The following KIRREL3 variants were observed in gnomAD, a reference collection of about 807,000 sequenced individuals.
KIRREL3 encodes the protein kin of IRRE-like protein 3.
KIRREL3 carries 36 observed loss-of-function variants against 89.7 expected under a neutral mutation model. The observed-to-expected ratio is 0.40, with a 90% CI of 0.31 to 0.53. KIRREL3 has a LOEUF of 0.53. Among genes scored for constraint, KIRREL3 ranks in the 20% least tolerant of loss-of-function variants. KIRREL3 has a pLI of 0.49. For missense variants in KIRREL3, 864 were observed against 1,056.6 expected (o/e 0.82, Z 2.53); for synonymous variants, 445 against 441.4 (o/e 1.01, Z -0.10).
chr11:126,998,256 A>G (rs946141225), intron 1 of KIRREL3, among the ~76,000 whole-genome samples: 1 of 152,250 alleles, frequency 6.6e-6, no homozygotes, highest in Admixed American at 6.5e-5. Flanking sequence ...ATCAAGGCAA[A>G]AGATAACCAT....
Position 126,714,285 on chromosome 11 carries a change from T to A in KIRREL3, c.56-151373A>T, listed in dbSNP as rs564130943. On this transcript the variant is annotated intron_variant, in intron 1 of 16. Transcript: ENST00000525144. Reference sequence around the variant, plus strand: ...TGGTTGCAAAGCTTAACGTATTTACTCTCTGGCTCTTTGTAGAAGCATGTA... The same window carrying A: ...TGGTTGCAAAGCTTAACGTATTTACACTCTGGCTCTTTGTAGAAGCATGTA... Among the ~76,000 whole-genome samples the A allele has an allele frequency of 1.1e-3, 161 of 152,340 alleles. 2 individuals are homozygous for A. The South Asian group carries it at 0.024, about 23-fold the overall frequency.
chr11:126,430,985 C>T lies in KIRREL3; in HGVS notation c.1696+434G>A. The T allele has an allele frequency of 9.1e-7, 1 of 1,104,602 alleles. No homozygotes were observed. The highest frequency in any genetic ancestry group is 3.8e-5 in the South Asian group (1 of 26,052). The allele number at this position is 1,104,602 out of a possible 1,614,324, so 68.4% of individuals were successfully genotyped here. ...TCCTTTATTGCTTCCCCACCCACTCCCCCACAGCTGTGTGAGTGACCTGCT... is the reference window on the plus strand; with the variant it reads ...TCCTTTATTGCTTCCCCACCCACTCTCCCACAGCTGTGTGAGTGACCTGCT... On this transcript the variant is annotated intron_variant, in intron 14 of 16. Transcript: ENST00000525144. This position sits in a 1 kb window ranked among gnomAD's most constrained non-coding sequence, Gnocchi z 6.6.
At position 126,923,187 on chromosome 11, in the gene KIRREL3, CTCTTCTTCT is replaced by C. The variant is rs1209221075; in HGVS notation, c.55+77259_55+77267del. On this transcript the variant is annotated intron_variant, in intron 1 of 16. Transcript: ENST00000525144. ...TTCTTCTTCTTCTTCTCTTCTTCTT[CTCTTCTTCT>C]TCTTCTTCTTCTTCTTCTTCTTCTT... Among the ~76,000 whole-genome samples the C allele has an allele frequency of 2.4e-3, 56 of 23,828 alleles. 11 individuals carry two copies. Among genetic ancestry groups the C allele is most frequent in the East Asian group, 6.0e-3 (7 of 1,160 alleles). The allele number at this position is 23,828 out of a possible 152,430, so 15.6% of individuals were successfully genotyped here. A position where few individuals can be genotyped will look rare whatever the true frequency, so the allele number is the denominator to read the frequency against.
intron 1 of KIRREL3, among the ~76,000 whole-genome samples, chr11:126,893,710 G>A (rs957180610): frequency 1.7e-4 from 26 of 152,134 alleles, no homozygotes; most frequent in African/African-American, 2.9e-4. Context: ...CCTCTCCCAC[G>A]TCTGAATGCA....
At chr11:126,637,069 G>A (rs1465848642) in intron 1 of KIRREL3, among the ~76,000 whole-genome samples, 2 of 152,112 alleles carry the variant, frequency 1.3e-5, no homozygotes, top group African/African-American at 4.8e-5. Context: ...TCAGGGTGGT[G>A]AGTTGTCTCC....
chr11:126,980,215 G>T (rs939279440), intron 1 of KIRREL3, among the ~76,000 whole-genome samples: 3 of 152,192 alleles, frequency 2.0e-5, no homozygotes, highest in Non-Finnish European at 4.4e-5. Context: ...GGATACAAAG[G>T]CATGGCATAT....
At chr11:126,457,356 T>C (rs1016488196) in intron 6 of KIRREL3, among the ~76,000 whole-genome samples, 5 of 94,380 alleles carry the variant, frequency 5.3e-5, no homozygotes, top group Non-Finnish European at 1.1e-4. Context: ...TGTATGTATG[T>C]CTCTGTGTGT....
rs1367501543 is a variant in KIRREL3 at position 126,996,939 on chromosome 11, G to A, written c.55+3516C>T. On this transcript the variant is annotated intron_variant, in intron 1 of 16. Transcript: ENST00000525144. The surrounding 1 kb of genome is among the most constrained non-coding windows in gnomAD (Gnocchi z 4.7). ...TGCCAGAGCAAAATGCCAGAGAGTA[G>A]GGAAGAGACCACCTTTCTTAAGAGC... Among the ~76,000 whole-genome samples, 3 of 152,166 alleles carry A rather than the reference G, an allele frequency of 2.0e-5. No individual in the cohort carries two copies. The highest frequency in any genetic ancestry group is 2.9e-5 in the Non-Finnish European group (2 of 68,036).
Position 126,521,676 on chromosome 11 carries a change from A to ATGTGTGTG in KIRREL3, c.284-220_284-213dup, listed in dbSNP as rs55838363. ...GTTGGTTCTCTCTCTCTCTCTCTGT[A>ATGTGTGTG]TGTGTGTGTGTGTGTGTGTGTGTGT... is the stretch of plus-strand genomic sequence containing the variant. On this transcript the variant is annotated intron_variant, in intron 3 of 16. Coordinates refer to ENST00000525144, the MANE Select transcript of KIRREL3 (RefSeq NM_032531.4). The surrounding 1 kb of genome is among the most constrained non-coding windows in gnomAD (Gnocchi z 4.1). 7.0e-6 allele frequency among the ~76,000 whole-genome samples: 1 copy of ATGTGTGTG among 143,510 alleles called. No individual in the cohort carries two copies. The highest frequency in any genetic ancestry group is 6.9e-5 in the Admixed American group (1 of 14,482). 94.1% of individuals were successfully genotyped at this position (143,510 alleles called of 152,430 possible).
In KIRREL3 at chr11:126,645,398, G is replaced by A. The variant is rs932979494; in HGVS notation, c.56-82486C>T. Among the ~76,000 whole-genome samples, 2 of 152,120 alleles carry A rather than the reference G, an allele frequency of 1.3e-5. No individual in the cohort carries two copies. The highest frequency in any genetic ancestry group is 6.5e-5 in the Admixed American group (1 of 15,278). On this transcript the variant is annotated intron_variant, in intron 1 of 16. Transcript: ENST00000525144. This position sits in a 1 kb window ranked among gnomAD's most constrained non-coding sequence, Gnocchi z 4.9. ...GTATGCCAGCCTTTCTCCTTCCACCGTGAGCCATTTGAGGGCAGAGACCAG... is the reference window on the plus strand; with the variant it reads ...GTATGCCAGCCTTTCTCCTTCCACCATGAGCCATTTGAGGGCAGAGACCAG...
At position 126,734,805 on chromosome 11, in the gene KIRREL3, A is replaced by C. The variant is rs1948747143; in HGVS notation, c.56-171893T>G. 6.6e-6 allele frequency among the ~76,000 whole-genome samples: 1 copy of C among 152,184 alleles called. No homozygotes were observed. Among genetic ancestry groups the C allele is most frequent in the Admixed American group, 6.5e-5 (1 of 15,272 alleles). ...TGGAGACTGATGAGCAGGTCAGAGA[A>C]GTTTTCGTTGGAGGGGTACTTTCTG... On this transcript the variant is annotated intron_variant, in intron 1 of 16. Coordinates refer to ENST00000525144, the MANE Select transcript of KIRREL3 (RefSeq NM_032531.4). The surrounding 1 kb of genome is among the most constrained non-coding windows in gnomAD (Gnocchi z 5.9).
chr11:126,497,792 G>A (rs2134356720), intron 4 of KIRREL3, among the ~76,000 whole-genome samples: 1 of 152,348 alleles, frequency 6.6e-6, no homozygotes, highest in South Asian at 2.1e-4. Flanking sequence ...CTCTTGGGGA[G>A]GGAGGGGCCC....
In KIRREL3 at chr11:126,443,875, A is replaced by G. The variant is rs575289957; in HGVS notation, c.1252+1104T>C. Among the ~76,000 whole-genome samples, 62 of 152,238 alleles carry G rather than the reference A, an allele frequency of 4.1e-4. No individual in the cohort carries two copies. The highest frequency in any genetic ancestry group is 1.4e-3 in the African/African-American group (57 of 41,554). ...TTGGGGTTTTGATCTGAGTCAGGCT[A>G]TGGTGGGAACAGGGGCCTCCCAAAG... On this transcript the variant is annotated intron_variant, in intron 10 of 16. Coordinates refer to ENST00000525144, the MANE Select transcript of KIRREL3 (RefSeq NM_032531.4). The surrounding 1 kb of genome is among the most constrained non-coding windows in gnomAD (Gnocchi z 7.3).
chr11:126,448,963 C>T (rs1401274848), intron 8 of KIRREL3, 46 bp downstream of exon 8: 2 of 1,553,950 alleles, frequency 1.3e-6, no homozygotes, highest in Non-Finnish European at 1.7e-6. Context: ...AAGCAGAAAC[C>T]AGTGGATGCC....
At chr11:126,483,996 A>G (rs1957287011) in intron 4 of KIRREL3, among the ~76,000 whole-genome samples, 1 of 152,232 alleles carries the variant, frequency 6.6e-6, no homozygotes, top group African/African-American at 2.4e-5. Context: ...CTCAGCAGGT[A>G]CATGTGGTGC....
At chr11:126,846,007 T>C (rs1944128879) in intron 1 of KIRREL3, among the ~76,000 whole-genome samples, 1 of 152,164 alleles carries the variant, frequency 6.6e-6, no homozygotes, top group Non-Finnish European at 1.5e-5. Context: ...GAATTAAAAG[T>C]GGATCAATTC....
rs964635935 is a variant in KIRREL3, at chr11:126,519,004, T to C, written c.433+2311A>G. On this transcript the variant is annotated intron_variant, in intron 4 of 16. Coordinates refer to ENST00000525144, the MANE Select transcript of KIRREL3 (RefSeq NM_032531.4). The surrounding 1 kb of genome is among the most constrained non-coding windows in gnomAD (Gnocchi z 4.3). ...CCTGAAAGGCTGATGGACAAGATGC[T>C]GGCTGAGGCTCCCTTTCTGGCTCTC... Among the ~76,000 whole-genome samples the C allele has an allele frequency of 6.6e-6, 1 of 152,246 alleles. No individual in the cohort carries two copies. Among genetic ancestry groups the C allele is most frequent in the African/African-American group, 2.4e-5 (1 of 41,474 alleles).
In KIRREL3 at chr11:126,569,864, C is replaced by T. The variant is rs1401407234; in HGVS notation, c.56-6952G>A. Among the ~76,000 whole-genome samples the T allele has an allele frequency of 2.6e-5, 4 of 152,078 alleles. No individual in the cohort carries two copies. Among genetic ancestry groups the T allele is most frequent in the South Asian group, 2.1e-4 (1 of 4,826 alleles). The stretch of plus-strand genomic sequence containing the variant: ...AGCCATCAGTAGCCATTCTGCCCAG[C>T]GATGCCATTCTGATTGCAGAATGAT... On this transcript the variant is annotated intron_variant, in intron 1 of 16. Transcript: ENST00000525144. The surrounding 1 kb of genome is among the most constrained non-coding windows in gnomAD (Gnocchi z 6.5).
intron 15 of KIRREL3, among the ~76,000 whole-genome samples, chr11:126,426,379 C>A (rs779260603): frequency 1.1e-4 from 16 of 152,192 alleles, no homozygotes; most frequent in Non-Finnish European, 2.2e-4. Flanking sequence ...TGGGTCCTCC[C>A]ACACCTGGTT....
Sources: gnomAD v4.1 joint callset for allele counts (sites outside exome capture counted in the v4.1 genomes callset) on GRCh38, gnomAD v4.1.1 for gene constraint, Gnocchi (gnomAD v3.1) non-coding constraint, MANE v1.5 for transcripts, NCBI Gene and HGNC (gene_info 2026-07-23, HGNC 2026-07-21) for gene names.